Variants in S1PR5 observed in about 807,000 individuals in gnomAD.
The protein encoded by S1PR5 is sphingosine-1-phosphate receptor 5.
For synonymous variants in S1PR5, 307 were observed against 284.7 expected (o/e 1.08, Z -0.79); for missense variants, 583 against 571.7 (o/e 1.02, Z -0.20).
rs1370948076 is a variant in S1PR5, at chr19:10,515,023, C to T, written c.-12G>A. Reference sequence around the variant, plus strand: ...AGCCCCGACTCCATGGGCCGCGCGCCCCAAGGCTGTTGGAGAGGCAAGATA... The same window carrying T: ...AGCCCCGACTCCATGGGCCGCGCGCTCCAAGGCTGTTGGAGAGGCAAGATA... On this transcript the variant is annotated 5_prime_UTR_variant, in exon 2 of 2. Transcript: ENST00000333430. The T allele has an allele frequency of 7.8e-6, 12 of 1,537,028 alleles. No homozygotes were observed. The Admixed American group carries it at 1.7e-4, about 22-fold the overall frequency.
chr19:10,515,433 A>AC (rs1568407115), intron 1 of S1PR5, among the ~76,000 whole-genome samples: 1 of 151,688 alleles, frequency 6.6e-6, no homozygotes, highest in Non-Finnish European at 1.5e-5. Context: ...AACACGGTGA[A>AC]CCCCTCCGTC....
intron 1 of S1PR5, among the ~76,000 whole-genome samples, chr19:10,515,333 C>T (rs995309469): frequency 5.3e-5 from 8 of 151,722 alleles, no homozygotes; most frequent in Admixed American, 3.3e-4. Flanking sequence ...CGCCTGTAAT[C>T]CCCCCAGGCT....
At chr19:10,515,167 G>T (rs748411581) in intron 1 of S1PR5, 138 bp from the exon 2 acceptor site, 13 of 1,128,684 alleles carry the variant, frequency 1.2e-5, no homozygotes, top group Admixed American at 2.8e-5. Flanking sequence ...AGTTCAGGAT[G>T]GAGGGATAGA....
chr19:10,517,319 G>A (rs899139579), intron 1 of S1PR5, 79 bp downstream of exon 1: 4 of 958,532 alleles, frequency 4.2e-6, no homozygotes, highest in African/African-American at 1.8e-5. Context: ...TTTTTAGACC[G>A]GGAAAGTGGC....
Position 10,513,666 on chromosome 19 carries a change from C to A in S1PR5, c.*149G>T. ...TTCCACGAGGGCACAGATTTTTTGT[C>A]TGTTTGTTCACATTGTGGGGTGTCG... On this transcript the variant is annotated 3_prime_UTR_variant, in exon 2 of 2. Transcript: ENST00000333430. 1 of 1,132,940 alleles carries A rather than the reference C, an allele frequency of 8.8e-7. No individual in the cohort carries two copies. The allele number at this position is 1,132,940 out of a possible 1,614,324, so 70.2% of individuals were successfully genotyped here. A position where few individuals can be genotyped will look rare whatever the true frequency, so the allele number is the denominator to read the frequency against.
intron 1 of S1PR5, among the ~76,000 whole-genome samples, chr19:10,516,371 C>T (rs1568407431): frequency 6.6e-6 from 1 of 151,870 alleles, no homozygotes; most frequent in Non-Finnish European, 1.5e-5. Context: ...TTTGGGAGGC[C>T]GAGGTGGGAG....
intron 1 of S1PR5, 39 bp from the exon 2 acceptor site, chr19:10,515,068 C>A (rs1294827530): frequency 6.6e-7 from 1 of 1,505,936 alleles, no homozygotes; most frequent in African/African-American, 1.4e-5. Context: ...GCCGCGGTCC[C>A]CGTAAGCACG....
Position 10,514,885 on chromosome 19 carries a change from A to G in S1PR5, c.127T>C (p.Cys43Arg), listed in dbSNP as rs1357957465. 2 of 1,612,126 alleles carry G rather than the reference A, an allele frequency of 1.2e-6. No homozygotes were observed. The highest frequency in any genetic ancestry group is 1.1e-5 in the South Asian group (1 of 91,014). Residue 43 changes from cysteine to arginine, a missense_variant, in exon 2 of 2, where the codon TGC (cysteine) becomes CGC (arginine). Coordinates refer to ENST00000333430, the MANE Select transcript of S1PR5 (RefSeq NM_030760.5). ...ACGATGAAGGCGCACACCGCCAGGC[A>G]CACCACGGCGTCGGCGCGCAGGCCG... ...GAGLRADAVV[C>R]LAVCAFIVLE...
In S1PR5 at chr19:10,514,767, T is replaced by A; in HGVS notation, c.245A>T (p.Asp82Val). The stretch of plus-strand genomic sequence containing the variant: ...GGCGTAGGCGGCGCCTGCCAGCAGA[T>A]CCGACAACGTGAGGCTGCCCAGGAG... ...FLLLGSLTLS[D>V]LLAGAAYAAN... Residue 82 changes from aspartate (D) to valine (V), a missense_variant, in exon 2 of 2, where the codon GAT (aspartate) becomes GTT (valine). By Grantham distance (152) the Asp-to-Val change is radical. Coordinates refer to ENST00000333430, the MANE Select transcript of S1PR5 (RefSeq NM_030760.5). 6.2e-7 allele frequency: 1 copy of A among 1,612,938 alleles called. No individual in the cohort carries two copies. The highest frequency in any genetic ancestry group is 8.5e-7 in the Non-Finnish European group (1 of 1,179,732).
chr19:10,514,083 T>A lies in S1PR5; in HGVS notation c.929A>T (p.Asn310Ile). The change falls in exon 2 of 2, where the codon AAC becomes ATC. Residue 310 changes from asparagine to isoleucine, a missense_variant. Physicochemically the swap from Asn to Ile is moderately radical, Grantham distance 149. Coordinates refer to ENST00000333430, the MANE Select transcript of S1PR5 (RefSeq NM_030760.5). Reference sequence around the variant, plus strand: ...CAGGAGCGCGTGGCGCAGGTCGCGGTTGGTGAGCGTGTAGATGATGGGGTT... The same window carrying A: ...CAGGAGCGCGTGGCGCAGGTCGCGGATGGTGAGCGTGTAGATGATGGGGTT... ...LLNPIIYTLT[N>I]RDLRHALLRL... The A allele has an allele frequency of 6.2e-7, 1 of 1,612,612 alleles. No individual in the cohort carries two copies. Among genetic ancestry groups the A allele is most frequent in the Non-Finnish European group, 8.5e-7 (1 of 1,179,760 alleles).
intron 1 of S1PR5, among the ~76,000 whole-genome samples, chr19:10,516,603 G>A (rs186643855): frequency 1.2e-4 from 8 of 66,426 alleles, no homozygotes; most frequent in East Asian, 9.1e-4. Flanking sequence ...GAGAAACTCC[G>A]TCTCAAAAAA....
rs1489120154 is a variant in S1PR5 at position 10,513,972 on chromosome 19, C to T, written c.1040G>A (p.Gly347Asp). Residue 347 changes from glycine to aspartate, a missense_variant, in exon 2 of 2, where the codon GGC (glycine) becomes GAC (aspartate). Coordinates refer to ENST00000333430, the MANE Select transcript of S1PR5 (RefSeq NM_030760.5). Reference sequence around the variant, plus strand: ...GCCCGGGGGCAGGCAGCGGCGCAGGCCCCCGGAAGCCTCAGCCGCGCTCGC... The same window carrying T: ...GCCCGGGGGCAGGCAGCGGCGCAGGTCCCCGGAAGCCTCAGCCGCGCTCGC... ...QSASAAEASG[G>D]LRRCLPPGLD... The T allele has an allele frequency of 1.3e-6, 2 of 1,599,124 alleles. No individual in the cohort carries two copies. Among genetic ancestry groups the T allele is most frequent in the Admixed American group, 1.7e-5 (1 of 57,838 alleles).
At position 10,514,326 on chromosome 19, in the gene S1PR5, C is replaced by T. The variant is rs1243463923; in HGVS notation, c.686G>A (p.Arg229Gln). The stretch of plus-strand genomic sequence containing the variant: ...CGAGGTGGTCCCCGCAGTCCCGGGC[C>T]GTGCCGGCAGGCGCCGCGCGTTGGC... ...VRANARRLPA[R>Q]PGTAGTTSTR... Residue 229 changes from arginine to glutamine, a missense_variant, in exon 2 of 2, where the codon CGG (arginine) becomes CAG (glutamine). Physicochemically the swap from Arg to Gln is conservative, Grantham distance 43. Coordinates refer to ENST00000333430, the MANE Select transcript of S1PR5 (RefSeq NM_030760.5). 4 of 1,568,172 alleles carry T rather than the reference C, an allele frequency of 2.6e-6. No individual in the cohort carries two copies. The highest frequency in any genetic ancestry group is 4.7e-5 in the East Asian group (2 of 42,360).
chr19:10,517,662 G>T, upstream of S1PR5: 2 of 985,436 alleles, frequency 2.0e-6, no homozygotes, highest in Non-Finnish European at 2.4e-6. Context: ...CCGGGCCTGG[G>T]CTGTCCTCCC....
rs749990408 is a variant in S1PR5 at position 10,514,202 on chromosome 19, C to T, written c.810G>A (p.Leu270=). The change falls in exon 2 of 2, where the codon CTG becomes CTA. Residue 270 remains leucine (L), a synonymous_variant. Coordinates refer to ENST00000333430, the MANE Select transcript of S1PR5 (RefSeq NM_030760.5). ...CCGGGCACGCCACGTCGAGCAACAG[C>T]AGCAGGAAGAGGGGGCCCCAACATG... ...FVACWGPLFL[L]LLLDVACPAR... The T allele has an allele frequency of 1.9e-6, 3 of 1,611,860 alleles. No individual in the cohort carries two copies. The Admixed American group carries it at 5.0e-5, about 27-fold the overall frequency.
In S1PR5 at chr19:10,513,957, A is replaced by C; in HGVS notation, c.1055T>G (p.Leu352Arg). 1 of 1,599,414 alleles carries C rather than the reference A, an allele frequency of 6.3e-7. No individual in the cohort carries two copies. Among genetic ancestry groups the C allele is most frequent in the Non-Finnish European group, 8.5e-7 (1 of 1,174,178 alleles). ...AEASGGLRRCLPPGLDGSFSG... is the reference protein window; with the variant it reads ...AEASGGLRRCRPPGLDGSFSG... ...GAAGCTCCCATCAAGGCCCGGGGGC[A>C]GGCAGCGGCGCAGGCCCCCGGAAGC... is the stretch of plus-strand genomic sequence containing the variant. The change falls in exon 2 of 2, where the codon CTG becomes CGG. Residue 352 changes from leucine (L) to arginine (R), a missense_variant. Leu to Arg is a moderately radical substitution (Grantham distance 102). Transcript: ENST00000333430.
At position 10,514,093 on chromosome 19, in the gene S1PR5, T is replaced by A. The variant is rs750090900; in HGVS notation, c.919A>T (p.Thr307Ser). The change falls in exon 2 of 2, where the codon ACG (threonine) becomes TCG (serine). Residue 307 changes from threonine to serine, a missense_variant. Thr to Ser is a moderately conservative substitution (Grantham distance 58, BLOSUM62 1). Transcript: ENST00000333430. Reference protein sequence around the residue: ...ANSLLNPIIYTLTNRDLRHAL... With the variant: ...ANSLLNPIIYSLTNRDLRHAL... Reference sequence around the variant, plus strand: ...TGGCGCAGGTCGCGGTTGGTGAGCGTGTAGATGATGGGGTTCAGAAGTGAG... The same window carrying A: ...TGGCGCAGGTCGCGGTTGGTGAGCGAGTAGATGATGGGGTTCAGAAGTGAG... 3 of 1,612,810 alleles carry A rather than the reference T, an allele frequency of 1.9e-6. No homozygotes were observed. Among genetic ancestry groups the A allele is most frequent in the South Asian group, 2.2e-5 (2 of 91,088 alleles).
At position 10,513,432 on chromosome 19, in the gene S1PR5, C is replaced by G. The variant is rs1915333000; in HGVS notation, c.*383G>C. The stretch of plus-strand genomic sequence containing the variant: ...CTTAGAACACATGGGCACATTTCAG[C>G]CTCAGGGCCTTTGCGCATGCCATTC... On this transcript the variant is annotated 3_prime_UTR_variant, in exon 2 of 2. Coordinates refer to ENST00000333430, the MANE Select transcript of S1PR5 (RefSeq NM_030760.5). 1 of 480,530 alleles carries G rather than the reference C, an allele frequency of 2.1e-6. No homozygotes were observed. The highest frequency in any genetic ancestry group is 2.0e-5 in the African/African-American group (1 of 48,948). The allele number at this position is 480,530 out of a possible 1,614,324, so 29.8% of individuals were successfully genotyped here. A position where few individuals can be genotyped will look rare whatever the true frequency, so the allele number is the denominator to read the frequency against.
chr19:10,514,532 G>T lies in S1PR5; in HGVS notation c.480C>A (p.Gly160=), dbSNP rs766750896. The T allele has an allele frequency of 2.5e-6, 4 of 1,585,766 alleles. No homozygotes were observed. In the East Asian group the frequency reaches 9.2e-5, roughly 37 times the overall value. ...GCAGGAGCCCGAGGAGCAGCGACAC[G>T]CCCCAGGCCGCGGCTGCCATCGCCA... is the stretch of plus-strand genomic sequence containing the variant. The part of the protein sequence containing the change: ...RTLAMAAAAW[G]VSLLLGLLPA... Residue 160 remains glycine (G), a synonymous_variant, in exon 2 of 2, where the codon GGC becomes GGA. Transcript: ENST00000333430.
Sources: gnomAD v4.1 joint callset for allele counts (sites outside exome capture counted in the v4.1 genomes callset) on GRCh38, gnomAD v4.1.1 for gene constraint, MANE v1.5 for transcripts, NCBI Gene and HGNC (gene_info 2026-07-23, HGNC 2026-07-21) for gene names.